Variants in MAP3K5 observed in about 807,000 individuals in gnomAD.
The protein encoded by MAP3K5 is ASK-1.
In MAP3K5, 56 loss-of-function variants were observed where a neutral mutation model predicts 158.7. That is an observed-to-expected ratio of 0.35 (90% CI 0.28 to 0.44). The LOEUF is 0.44. MAP3K5 is among the 20% of genes least tolerant of loss of function. The pLI is 1.00. For missense variants in MAP3K5, 1,294 were observed against 1,674.8 expected, an observed-to-expected ratio of 0.77 and a Z score of 3.97; for synonymous variants, 579 against 601.7, an observed-to-expected ratio of 0.96 and a Z score of 0.55.
chr6:136,657,352 T>C (rs988102595), intron 9 of MAP3K5, among the ~76,000 whole-genome samples: 4 of 152,196 alleles, frequency 2.6e-5, no homozygotes, highest in Non-Finnish European at 5.9e-5. Context: ...ATTAAGTTAG[T>C]GGAACCTTAA....
rs73556295 is a variant in MAP3K5, at chr6:136,652,954, T to C, written c.1681-1863A>G. ...TTTGACAAAGTCTTAAAGGTAGATATACCTCACTTATGAGTTTATATATTC... is the reference window on the plus strand; with the variant it reads ...TTTGACAAAGTCTTAAAGGTAGATACACCTCACTTATGAGTTTATATATTC... On this transcript the variant is annotated intron_variant, in intron 10 of 29. Transcript: ENST00000359015. Among the ~76,000 whole-genome samples, 1,041 of 152,362 alleles carry C rather than the reference T, an allele frequency of 6.8e-3. 18 individuals carry two copies. The highest frequency in any genetic ancestry group is 0.022 in the African/African-American group (913 of 41,580).
intron 1 of MAP3K5, among the ~76,000 whole-genome samples, chr6:136,734,978 T>G (rs1782393821): frequency 6.6e-6 from 1 of 152,216 alleles, no homozygotes; most frequent in South Asian, 2.1e-4. Context: ...GGATGCTGAG[T>G]GACATACTCT....
At chr6:136,608,488 C>T (rs980004155) in intron 18 of MAP3K5, among the ~76,000 whole-genome samples, 4 of 152,056 alleles carry the variant, frequency 2.6e-5, no homozygotes, top group Non-Finnish European at 4.4e-5. Context: ...TTGAAGGCTT[C>T]GTGGACGGAC....
intron 4 of MAP3K5, among the ~76,000 whole-genome samples, chr6:136,697,654 C>T (rs1338468918): frequency 6.6e-6 from 1 of 150,824 alleles, no homozygotes; most frequent in Admixed American, 6.6e-5. Context: ...TGCAAAAAAC[C>T]ACTTAAAATG....
In MAP3K5 at chr6:136,659,377, C is replaced by A. The variant is rs908914831; in HGVS notation, c.1368G>T (p.Gly456=). The A allele has an allele frequency of 6.2e-7, 1 of 1,613,564 alleles. No individual in the cohort carries two copies. The highest frequency in any genetic ancestry group is 8.5e-7 in the Non-Finnish European group (1 of 1,179,880). ...FESSFELRKV[G]VKLSSLLGKK... Reference sequence around the variant, plus strand: ...TACCAAGAAGACTACTTAGCTTCACCCCTAGAATACAAACAGGAAGTAGAA... The same window carrying A: ...TACCAAGAAGACTACTTAGCTTCACACCTAGAATACAAACAGGAAGTAGAA... The change falls in exon 9 of 30, where the codon GGG becomes GGT. Residue 456 remains glycine (G), a splice_region_variant and synonymous_variant. Transcript: ENST00000359015.
At chr6:136,697,018 C>A (rs1038016402) in intron 5 of MAP3K5, among the ~76,000 whole-genome samples, 7 of 152,192 alleles carry the variant, frequency 4.6e-5, no homozygotes, top group Non-Finnish European at 7.3e-5. Flanking sequence ...CCATACAAGT[C>A]TTTCACAATC....
intron 25 of MAP3K5, among the ~76,000 whole-genome samples, chr6:136,576,506 T>C (rs979011600): frequency 6.6e-6 from 1 of 152,084 alleles, no homozygotes; most frequent in African/African-American, 2.4e-5. Flanking sequence ...AGGGTCTTGA[T>C]ATTTTGGCCA....
At chr6:136,566,500 T>A (rs1191725897) in intron 26 of MAP3K5, among the ~76,000 whole-genome samples, 2 of 152,150 alleles carry the variant, frequency 1.3e-5, no homozygotes, top group African/African-American at 4.8e-5. Context: ...GATGGGGTGT[T>A]ATCCTTGGAC....
intron 23 of MAP3K5, among the ~76,000 whole-genome samples, chr6:136,591,803 C>T (rs1187864430): frequency 6.6e-6 from 1 of 152,150 alleles, no homozygotes; most frequent in African/African-American, 2.4e-5. Context: ...GGCAGGTAGC[C>T]TCATGCTAAT....
chr6:136,648,564 G>C (rs1778375221), intron 11 of MAP3K5, among the ~76,000 whole-genome samples: 1 of 152,126 alleles, frequency 6.6e-6, no homozygotes, highest in Non-Finnish European at 1.5e-5. Flanking sequence ...CATTTAGTGT[G>C]CCTGCTAAAA....
chr6:136,663,184 A>G (rs1779080319), intron 8 of MAP3K5, among the ~76,000 whole-genome samples: 1 of 152,222 alleles, frequency 6.6e-6, no homozygotes, highest in Non-Finnish European at 1.5e-5. Flanking sequence ...GAGGATTGCA[A>G]CATGTCTAAA....
intron 28 of MAP3K5, 65 bp from the exon 29 acceptor site, chr6:136,558,941 T>A: frequency 1.2e-6 from 1 of 808,776 alleles, no homozygotes; most frequent in Non-Finnish European, 2.1e-6. Context: ...ACAAACTCTA[T>A]TCATAATGTA....
intron 16 of MAP3K5, 100 bp downstream of exon 16, chr6:136,614,059 T>TA: frequency 7.5e-7 from 1 of 1,338,942 alleles, no homozygotes; most frequent in Non-Finnish European, 1.0e-6. Flanking sequence ...TCTTTCAGTT[T>TA]AGACAGATTA....
chr6:136,645,352 G>A (rs1034518221), intron 11 of MAP3K5, among the ~76,000 whole-genome samples: 1 of 152,106 alleles, frequency 6.6e-6, no homozygotes, highest in African/African-American at 2.4e-5. Context: ...TAGAATCAGG[G>A]GTAAGCATGT....
intron 11 of MAP3K5, among the ~76,000 whole-genome samples, chr6:136,648,233 C>A (rs1304112903): frequency 6.6e-6 from 1 of 152,176 alleles, no homozygotes; most frequent in African/African-American, 2.4e-5. Context: ...ATTGACACTT[C>A]TAATAATGAA....
intron 1 of MAP3K5, among the ~76,000 whole-genome samples, chr6:136,771,556 A>C (rs1306858829): frequency 1.3e-5 from 2 of 152,336 alleles, no homozygotes; most frequent in Admixed American, 1.3e-4. Flanking sequence ...CTGCAAAAAC[A>C]ACCCCTTAAT....
intron 1 of MAP3K5, among the ~76,000 whole-genome samples, chr6:136,771,580 A>G (rs1039143823): frequency 3.3e-5 from 5 of 152,210 alleles, no homozygotes; most frequent in African/African-American, 9.6e-5. Context: ...CATGCAATTA[A>G]AAGTAGGTAT....
At position 136,661,298 on chromosome 6, in the gene MAP3K5, TAA is replaced by T. The variant is rs144520318; in HGVS notation, c.1367-1922_1367-1921del. 2.0e-3 allele frequency among the ~76,000 whole-genome samples: 303 copies of T among 152,230 alleles called. 8 individuals are homozygous for T. The East Asian group carries it at 0.048, about 24-fold the overall frequency. On this transcript the variant is annotated intron_variant, in intron 8 of 29. Transcript: ENST00000359015. Reference sequence around the variant, plus strand: ...GGGAATTCTTCACATTTTGTGAGGGTAAAGAGAGAACAGCTTTGCCACTGCTG... The same window carrying T: ...GGGAATTCTTCACATTTTGTGAGGGTAGAGAGAACAGCTTTGCCACTGCTG...
chr6:136,620,556 G>C (rs1344709897), intron 15 of MAP3K5, among the ~76,000 whole-genome samples: 1 of 152,168 alleles, frequency 6.6e-6, no homozygotes, highest in Admixed American at 6.5e-5. Flanking sequence ...TCCTTCCTAA[G>C]GAAGGCTGGT....
Sources: allele counts gnomAD v4.1 joint callset (sites outside exome capture counted in the v4.1 genomes callset), GRCh38; gene constraint gnomAD v4.1.1; transcripts MANE v1.5; gene names NCBI Gene and HGNC (gene_info 2026-07-23, HGNC 2026-07-21).